SEC23A: variants seen among roughly 807,000 people sequenced by gnomAD.
SEC23A encodes protein transport protein Sec23A.
Under a neutral mutation model 103.7 loss-of-function variants are expected in SEC23A, and 56 were observed. That is an observed-to-expected ratio of 0.54 (90% CI 0.44 to 0.67). The LOEUF (loss-of-function observed/expected upper bound fraction) is 0.67. Ranked by LOEUF, SEC23A falls within the 30% of genes least tolerant of loss-of-function variation. SEC23A has a pLI of 0.00. For synonymous variants in SEC23A, 281 were observed against 293.0 expected (o/e 0.96, Z 0.42); for missense variants, 784 against 936.4 (o/e 0.84, Z 2.12).
intron 1 of SEC23A, among the ~76,000 whole-genome samples, chr14:39,099,154 GTTTTT>G (rs35763261): frequency 9.6e-5 from 8 of 83,644 alleles, no homozygotes; most frequent in African/African-American, 1.6e-4. Context: ...TTGTTTTTGG[GTTTTT>G]TTTTTTTTTT....
intron 10 of SEC23A, among the ~76,000 whole-genome samples, chr14:39,066,027 A>C (rs998944665): frequency 9.5e-5 from 13 of 136,854 alleles, no homozygotes; most frequent in African/African-American, 1.9e-4. Context: ...AAAAAAAAAA[A>C]AAAAAACTAT....
chr14:39,093,084 G>A, intron 3 of SEC23A, 103 bp downstream of exon 3: 1 of 861,248 alleles, frequency 1.2e-6, no homozygotes, highest in East Asian at 2.8e-5. Flanking sequence ...AGCCAGGATG[G>A]TCTCAATCTC....
At chr14:39,044,226 G>A (rs571912328) in intron 16 of SEC23A, among the ~76,000 whole-genome samples, 13 of 152,204 alleles carry the variant, frequency 8.5e-5, no homozygotes, top group Admixed American at 2.6e-4. Flanking sequence ...GGGACAGTGG[G>A]ATTCCAATTT....
rs543974182 is a variant in SEC23A, at chr14:39,090,223, C to T, written c.603+1254G>A. ...TTACATCTGTCAACTTTATGCCAGG[C>T]TTATCTATCATCTTCTAGGGTAAAT... On this transcript the variant is annotated intron_variant, in intron 5 of 19. Transcript: ENST00000307712. Among the ~76,000 whole-genome samples, 3 of 152,280 alleles carry T rather than the reference C, an allele frequency of 2.0e-5. No homozygotes were observed. The East Asian group carries it at 5.8e-4, about 29-fold the overall frequency.
intron 1 of SEC23A, among the ~76,000 whole-genome samples, chr14:39,098,860 G>A (rs1273466203): frequency 6.7e-6 from 1 of 149,686 alleles, no homozygotes; most frequent in African/African-American, 2.5e-5. Context: ...GAAATCCAGT[G>A]TTATTAAGAA....
chr14:39,085,635 G>A, intron 7 of SEC23A, 127 bp downstream of exon 7: 1 of 1,114,138 alleles, frequency 9.0e-7, no homozygotes. Flanking sequence ...TGCTGAGTGA[G>A]AGAATAGGGA....
In SEC23A at chr14:39,045,188, G is replaced by T. The variant is rs990964655; in HGVS notation, c.1874C>A (p.Ala625Glu). 1.9e-6 allele frequency: 3 copies of T among 1,613,276 alleles called. No individual in the cohort carries two copies. The highest frequency in any genetic ancestry group is 2.5e-6 in the Non-Finnish European group (3 of 1,179,684). Reference protein sequence around the residue: ...SLIMIQPILYAYSFSGPPEPV... With the variant: ...SLIMIQPILYEYSFSGPPEPV... Reference sequence around the variant, plus strand: ...CTCTGGTGGTCCACTAAAAGAATACGCATACAGGATAGGCTGAATCATAAT... The same window carrying T: ...CTCTGGTGGTCCACTAAAAGAATACTCATACAGGATAGGCTGAATCATAAT... Residue 625 changes from alanine to glutamate, a missense_variant, in exon 16 of 20, where the codon GCG becomes GAG. Coordinates refer to ENST00000307712, the MANE Select transcript of SEC23A (RefSeq NM_006364.4).
Position 39,061,843 on chromosome 14 carries a change from C to G in SEC23A, c.1427G>C (p.Arg476Pro). 1 of 1,613,754 alleles carries G rather than the reference C, an allele frequency of 6.2e-7. No homozygotes were observed. Among genetic ancestry groups the G allele is most frequent in the Non-Finnish European group, 8.5e-7 (1 of 1,179,672 alleles). Residue 476 changes from arginine (R) to proline (P), a missense_variant, in exon 13 of 20, where the codon CGT becomes CCT. By Grantham distance (103) the Arg-to-Pro change is moderately radical (BLOSUM62 -2). Coordinates refer to ENST00000307712, the MANE Select transcript of SEC23A (RefSeq NM_006364.4). ...CTGAGTCACAAACTGGATTGCACCACGCCCTCCTTGAGGAATTGGAGCATT... is the reference window on the plus strand; with the variant it reads ...CTGAGTCACAAACTGGATTGCACCAGGCCCTCCTTGAGGAATTGGAGCATT... ...QHNAPIPQGGRGAIQFVTQYQ... is the reference protein window; with the variant it reads ...QHNAPIPQGGPGAIQFVTQYQ...
At chr14:39,067,125 A>C in intron 10 of SEC23A, 48 bp downstream of exon 10, 1 of 1,607,486 alleles carries the variant, frequency 6.2e-7, no homozygotes, top group South Asian at 1.1e-5. Context: ...TCAAGCCTAT[A>C]AGTTGTCTTT....
chr14:39,054,438 A>G (rs555065362), intron 14 of SEC23A, among the ~76,000 whole-genome samples: 5 of 152,226 alleles, frequency 3.3e-5, no homozygotes, highest in African/African-American at 1.2e-4. Context: ...ACTTGTCTAT[A>G]TTTTGCATGT....
intron 9 of SEC23A, among the ~76,000 whole-genome samples, chr14:39,073,130 T>A (rs1407975577): frequency 6.6e-6 from 1 of 152,182 alleles, no homozygotes; most frequent in Non-Finnish European, 1.5e-5. Flanking sequence ...ATGTGGTGTA[T>A]CCATCAAATG....
chr14:39,070,168 C>G (rs544519473), intron 9 of SEC23A, among the ~76,000 whole-genome samples: 2 of 152,304 alleles, frequency 1.3e-5, no homozygotes, highest in East Asian at 3.9e-4. Context: ...TCCATGCGGG[C>G]AAAGATTTTT....
intron 19 of SEC23A, among the ~76,000 whole-genome samples, chr14:39,038,200 A>G (rs930013585): frequency 3.9e-5 from 6 of 152,096 alleles, no homozygotes; most frequent in Non-Finnish European, 8.8e-5. Flanking sequence ...GCAATTTCCA[A>G]TTACTGAAAT....
At chr14:39,077,471 G>A (rs994528619) in intron 7 of SEC23A, among the ~76,000 whole-genome samples, 1 of 151,888 alleles carries the variant, frequency 6.6e-6, no homozygotes, top group Non-Finnish European at 1.5e-5. Context: ...GAACCCGGGA[G>A]GTGGAGGTTG....
At chr14:39,100,088 C>T (rs374739000) in intron 1 of SEC23A, among the ~76,000 whole-genome samples, 1 of 152,172 alleles carries the variant, frequency 6.6e-6, no homozygotes, top group Non-Finnish European at 1.5e-5. Flanking sequence ...CTAAATATCA[C>T]CTGAGTGATA....
intron 1 of SEC23A, among the ~76,000 whole-genome samples, chr14:39,102,524 G>GAT (rs1272159139): frequency 1.3e-5 from 2 of 152,230 alleles, no homozygotes; most frequent in East Asian, 3.9e-4. Context: ...AGCCCAGTGA[G>GAT]ATAGGGCTGG....
chr14:39,063,068 A>C (rs1886533354), intron 12 of SEC23A, among the ~76,000 whole-genome samples: 1 of 152,246 alleles, frequency 6.6e-6, no homozygotes, highest in Admixed American at 6.5e-5. Context: ...AAAAGAAAGA[A>C]AGAAAACAGA....
At position 39,045,188 on chromosome 14, in the gene SEC23A, G is replaced by A. The variant is rs990964655; in HGVS notation, c.1874C>T (p.Ala625Val). Residue 625 changes from alanine to valine, a missense_variant, in exon 16 of 20, where the codon GCG (alanine) becomes GTG (valine). Ala to Val is a moderately conservative substitution (Grantham distance 64, BLOSUM62 0). Transcript: ENST00000307712. ...CTCTGGTGGTCCACTAAAAGAATAC[G>A]CATACAGGATAGGCTGAATCATAAT... ...SLIMIQPILY[A>V]YSFSGPPEPV... The A allele has an allele frequency of 2.5e-6, 4 of 1,613,276 alleles. No homozygotes were observed. Among genetic ancestry groups the A allele is most frequent in the Non-Finnish European group, 3.4e-6 (4 of 1,179,684 alleles).
intron 10 of SEC23A, among the ~76,000 whole-genome samples, chr14:39,066,591 G>A (rs1231730227): frequency 3.3e-5 from 5 of 151,966 alleles, no homozygotes; most frequent in South Asian, 2.1e-4. Flanking sequence ...CAGGCCAGAC[G>A]TGGTGGCTCA....
Sources: allele counts gnomAD v4.1 joint callset (sites outside exome capture counted in the v4.1 genomes callset), GRCh38; gene constraint gnomAD v4.1.1; transcripts MANE v1.5; gene names NCBI Gene and HGNC (gene_info 2026-07-23, HGNC 2026-07-21).